PPM1E: variants seen among roughly 807,000 people sequenced by gnomAD.
The protein encoded by PPM1E is protein phosphatase, Mg2+/Mn2+ dependent 1E.
Under a neutral mutation model 65.9 loss-of-function variants are expected in PPM1E, and 20 were observed. The ratio of observed to expected loss-of-function variants is 0.30; its 90% CI spans 0.21 to 0.44. The LOEUF is 0.44. Among genes scored for constraint, PPM1E ranks in the 20% least tolerant of loss-of-function variants. The pLI is 1.00. For synonymous variants in PPM1E, 352 were observed against 374.9 expected, an observed-to-expected ratio of 0.94 and a Z score of 0.70; for missense variants, 713 against 953.1, an observed-to-expected ratio of 0.75 and a Z score of 3.32.
At position 58,805,974 on chromosome 17, in the gene PPM1E, CA is replaced by C. The variant is rs1341289870; in HGVS notation, c.464+49523del. Among the ~76,000 whole-genome samples, 484 of 73,894 alleles carry C rather than the reference CA, an allele frequency of 6.5e-3. 3 individuals carry two copies. Among genetic ancestry groups the C allele is most frequent in the African/African-American group, 0.011 (181 of 16,842 alleles). 48.5% of individuals were successfully genotyped at this position (73,894 alleles called of 152,430 possible). On this transcript the variant is annotated intron_variant, in intron 1 of 6. Transcript: ENST00000308249. The stretch of plus-strand genomic sequence containing the variant: ...TAAAAAAAAAAACAAAAAAAAAAAA[CA>C]AAAAAAAAACAAAACAAAACAAAAC...
intron 1 of PPM1E, among the ~76,000 whole-genome samples, chr17:58,816,767 TATATATATATATATATATATATATATA>T (rs1393761413): frequency 0.055 from 809 of 14,618 alleles, 7 homozygotes; most frequent in African/African-American, 0.076. Flanking sequence ...TATATATATA[TATATATATATATATATATATATATATA>T]TTTTTTTTTT....
At chr17:58,862,070 G>T (rs1016705129) in intron 1 of PPM1E, among the ~76,000 whole-genome samples, 8 of 152,166 alleles carry the variant, frequency 5.3e-5, no homozygotes, top group Non-Finnish European at 1.2e-4. Flanking sequence ...TTAATTAGCT[G>T]CCTTACAAGG....
At chr17:58,799,905 A>C (rs1264417118) in intron 1 of PPM1E, among the ~76,000 whole-genome samples, 1 of 152,190 alleles carries the variant, frequency 6.6e-6, no homozygotes, top group African/African-American at 2.4e-5. Flanking sequence ...AAATTAGGTA[A>C]TGTAAATTAT....
chr17:58,886,504 A>G (rs1388396944), intron 1 of PPM1E, among the ~76,000 whole-genome samples: 3 of 152,158 alleles, frequency 2.0e-5, no homozygotes, highest in Non-Finnish European at 4.4e-5. Context: ...TCCTTTACCT[A>G]TGGTTAATGT....
At chr17:58,781,718 C>A (rs993632117) in intron 1 of PPM1E, among the ~76,000 whole-genome samples, 1 of 151,472 alleles carries the variant, frequency 6.6e-6, no homozygotes, top group East Asian at 2.0e-4. Context: ...GAAACCCCGT[C>A]CCTACTGAAA....
At chr17:58,917,218 G>GAA (rs201768744) in intron 1 of PPM1E, among the ~76,000 whole-genome samples, 4 of 128,712 alleles carry the variant, frequency 3.1e-5, no homozygotes, top group Admixed American at 7.4e-5. Context: ...TCAAAAAAAA[G>GAA]AAAAAAAAAA....
chr17:58,760,715 G>A (rs939782535), intron 1 of PPM1E, among the ~76,000 whole-genome samples: 1 of 152,184 alleles, frequency 6.6e-6, no homozygotes, highest in Non-Finnish European at 1.5e-5. Context: ...GGGTTAGGGT[G>A]CAACTACAAA....
chr17:58,935,569 GCTAT>G (rs2051968570), intron 1 of PPM1E, among the ~76,000 whole-genome samples: 1 of 152,170 alleles, frequency 6.6e-6, no homozygotes, highest in Non-Finnish European at 1.5e-5. Context: ...GTAAAGATGT[GCTAT>G]CTAATTTCTT....
intron 1 of PPM1E, among the ~76,000 whole-genome samples, chr17:58,892,478 C>T (rs2051359820): frequency 6.6e-6 from 1 of 152,052 alleles, no homozygotes; most frequent in Non-Finnish European, 1.5e-5. Flanking sequence ...GAGGCTGAGG[C>T]AACAGGATTG....
intron 1 of PPM1E, among the ~76,000 whole-genome samples, chr17:58,817,049 C>T (rs906420411): frequency 6.6e-6 from 1 of 151,818 alleles, no homozygotes; most frequent in Non-Finnish European, 1.5e-5. Context: ...TTGCCTTGGC[C>T]TCCCAAAGTG....
intron 1 of PPM1E, among the ~76,000 whole-genome samples, chr17:58,901,584 T>G (rs2051499575): frequency 6.6e-6 from 1 of 152,004 alleles, no homozygotes; most frequent in African/African-American, 2.4e-5. Flanking sequence ...GGGCTGAGAC[T>G]GGATCACTTT....
chr17:58,875,214 T>C (rs2143362812), intron 1 of PPM1E, among the ~76,000 whole-genome samples: 1 of 152,336 alleles, frequency 6.6e-6, no homozygotes, highest in East Asian at 1.9e-4. Context: ...CTGTGTTAAA[T>C]AGCATATTGT....
intron 1 of PPM1E, among the ~76,000 whole-genome samples, chr17:58,913,506 A>C (rs1253694948): frequency 1.3e-5 from 2 of 152,236 alleles, no homozygotes; most frequent in Non-Finnish European, 2.9e-5. Flanking sequence ...TTACTGAGAC[A>C]GCAGTATTGC....
intron 1 of PPM1E, among the ~76,000 whole-genome samples, chr17:58,768,803 G>T (rs1338520562): frequency 3.3e-5 from 5 of 152,090 alleles, no homozygotes; most frequent in Non-Finnish European, 7.3e-5. Flanking sequence ...CCAAGTAGCT[G>T]GGATTACAGG....
At position 58,959,247 on chromosome 17, in the gene PPM1E, T is replaced by G. The variant is rs367693732; in HGVS notation, c.583+3480T>G. 5.6e-4 allele frequency among the ~76,000 whole-genome samples: 80 copies of G among 143,194 alleles called. 2 individuals are homozygous for G. The Middle Eastern group carries it at 0.014, about 26-fold the overall frequency. The allele number at this position is 143,194 out of a possible 152,430, so 93.9% of individuals were successfully genotyped here. A position where few individuals can be genotyped will look rare whatever the true frequency, so the allele number is the denominator to read the frequency against. On this transcript the variant is annotated intron_variant, in intron 2 of 6. Coordinates refer to ENST00000308249, the MANE Select transcript of PPM1E (RefSeq NM_014906.5). ...TCACTTGAACCTAGGAGGCGGAGGT[T>G]GCAGTGAGCCGAGATTGCGCCATTG...
At chr17:58,949,515 T>G (rs1037084393) in intron 1 of PPM1E, among the ~76,000 whole-genome samples, 2 of 152,196 alleles carry the variant, frequency 1.3e-5, no homozygotes, top group African/African-American at 4.8e-5. Flanking sequence ...TTTAACCATT[T>G]TACATTCAAG....
intron 1 of PPM1E, among the ~76,000 whole-genome samples, chr17:58,907,767 C>A (rs1567871607): frequency 3.3e-5 from 5 of 152,136 alleles, no homozygotes. Flanking sequence ...GATAACATTC[C>A]TTGCTTTGAA....
At chr17:58,932,695 A>T (rs1182353120) in intron 1 of PPM1E, among the ~76,000 whole-genome samples, 1 of 152,220 alleles carries the variant, frequency 6.6e-6, no homozygotes, top group Non-Finnish European at 1.5e-5. Context: ...GAGCATATGA[A>T]AAATATTATT....
At chr17:58,793,839 A>G (rs12936097) in intron 1 of PPM1E, among the ~76,000 whole-genome samples, 6,357 of 152,032 alleles carry the variant, frequency 0.042, 197 homozygotes, top group Non-Finnish European at 0.062. Context: ...TAAACTGTGT[A>G]TATACCACTT....
Sources: allele counts gnomAD v4.1 joint callset (sites outside exome capture counted in the v4.1 genomes callset), GRCh38; gene constraint gnomAD v4.1.1; transcripts MANE v1.5; gene names NCBI Gene and HGNC (gene_info 2026-07-23, HGNC 2026-07-21).